Variants in TSHR observed in about 807,000 individuals in gnomAD.
TSHR encodes thyrotropin receptor.
In TSHR, 51 loss-of-function variants were observed where a neutral mutation model predicts 64.1. That is an observed-to-expected ratio of 0.80 (90% CI 0.64 to 1.01). The LOEUF is 1.01. TSHR is among the 50% of genes least tolerant of loss of function. The pLI, the probability that TSHR is intolerant of heterozygous loss-of-function variation, is 0.00. For missense variants in TSHR, 877 were observed against 942.8 expected, an observed-to-expected ratio of 0.93 and a Z score of 0.91; for synonymous variants, 361 against 361.9, an observed-to-expected ratio of 1.00 and a Z score of 0.03.
intron 4 of TSHR, among the ~76,000 whole-genome samples, chr14:81,088,715 A>G (rs1316617298): frequency 1.3e-5 from 2 of 152,178 alleles, no homozygotes; most frequent in African/African-American, 4.8e-5. Flanking sequence ...AAGATTAGAA[A>G]ACAAAGAGTA....
At chr14:81,086,627 A>G (rs1260720027) in intron 3 of TSHR, among the ~76,000 whole-genome samples, 3 of 152,318 alleles carry the variant, frequency 2.0e-5, no homozygotes, top group Non-Finnish European at 4.4e-5. Flanking sequence ...AATTGTTCCT[A>G]TTTTACAGAC....
Position 81,044,672 on chromosome 14 carries a change from A to AC in TSHR, c.171-17476_171-17475insC, listed in dbSNP as rs1162724076. On this transcript the variant is annotated intron_variant, in intron 1 of 9. Coordinates refer to ENST00000298171, the MANE Select transcript of TSHR (RefSeq NM_000369.5). ...GACTCTGTCTCAAAAAAAAAAAAAA[A>AC]AACACACACACACATGCACAATGAG... Among the ~76,000 whole-genome samples the AC allele has an allele frequency of 3.4e-3, 472 of 137,948 alleles. 5 individuals are homozygous for AC. The highest frequency in any genetic ancestry group is 0.019 in the Middle Eastern group (5 of 264). The allele number at this position is 137,948 out of a possible 152,430, so 90.5% of individuals were successfully genotyped here.
intron 1 of TSHR, chr14:81,051,033 A>T (rs1332098144): frequency 6.5e-6 from 1 of 153,564 alleles, no homozygotes; most frequent in Non-Finnish European, 1.4e-5. Flanking sequence ...ATGCAGTGGA[A>T]TTTCTTTCAA....
At chr14:81,060,898 C>T (rs767266818) in intron 1 of TSHR, among the ~76,000 whole-genome samples, 11 of 152,002 alleles carry the variant, frequency 7.2e-5, no homozygotes, top group African/African-American at 9.7e-5. Context: ...TAGTAAAGAG[C>T]GTAACTCAAA....
At chr14:81,075,957 A>G (rs1026583463) in intron 3 of TSHR, among the ~76,000 whole-genome samples, 79 of 152,230 alleles carry the variant, frequency 5.2e-4, no homozygotes, top group African/African-American at 1.8e-3. Flanking sequence ...ATGGGATACT[A>G]TGCAGCCATA....
At chr14:81,105,274 G>A (rs1595121827) in intron 7 of TSHR, 2 of 974,222 alleles carry the variant, frequency 2.1e-6, no homozygotes, top group Admixed American at 1.2e-4. Context: ...GAGGTTGATG[G>A]AAGCACTTTC....
rs1350264190 is a variant in TSHR, at chr14:81,143,692, G to A, written c.1634G>A (p.Gly545Asp). The A allele has an allele frequency of 6.2e-7, 1 of 1,614,178 alleles. No individual in the cohort carries two copies. Among genetic ancestry groups the A allele is most frequent in the South Asian group, 1.1e-5 (1 of 91,078 alleles). The stretch of plus-strand genomic sequence containing the variant: ...CACGCATGTGCCATCATGGTTGGGG[G>A]CTGGGTTTGCTGCTTCCTTCTCGCC... Reference protein sequence around the residue: ...LRHACAIMVGGWVCCFLLALL... With the variant: ...LRHACAIMVGDWVCCFLLALL... Residue 545 changes from glycine to aspartate, a missense_variant, in exon 10 of 10, where the codon GGC becomes GAC. Physicochemically the swap from Gly to Asp is moderately conservative, Grantham distance 94 (BLOSUM62 -1). Transcript: ENST00000298171.
At chr14:81,078,048 T>G (rs1827770712) in intron 3 of TSHR, among the ~76,000 whole-genome samples, 1 of 152,214 alleles carries the variant, frequency 6.6e-6, no homozygotes, top group South Asian at 2.1e-4. Flanking sequence ...AATACATTAT[T>G]ATGTTAACTT....
At position 81,145,233 on chromosome 14, in the gene TSHR, T is replaced by C; in HGVS notation, c.*880T>C. ...AATCTGTAGAAATGAAGGAGTCCAA[T>C]AGCTTCTTCCAATTTTAAAACTCTA... On this transcript the variant is annotated 3_prime_UTR_variant, in exon 10 of 10. Coordinates refer to ENST00000298171, the MANE Select transcript of TSHR (RefSeq NM_000369.5). 4.3e-6 allele frequency: 1 copy of C among 233,092 alleles called. No individual in the cohort carries two copies. 14.4% of individuals were successfully genotyped at this position (233,092 alleles called of 1,614,324 possible).
intron 8 of TSHR, among the ~76,000 whole-genome samples, chr14:81,137,283 T>C (rs1891493039): frequency 1.3e-5 from 2 of 152,318 alleles, no homozygotes; most frequent in South Asian, 4.1e-4. Context: ...TGCCAGTTTT[T>C]CCCCAAATTA....
intron 1 of TSHR, among the ~76,000 whole-genome samples, chr14:81,004,803 G>C (rs1444773461): frequency 1.3e-5 from 2 of 152,142 alleles, no homozygotes; most frequent in African/African-American, 4.8e-5. Flanking sequence ...TCATATTCAT[G>C]GTTTATTTAA....
At chr14:81,067,940 T>TGTGC (rs1409959581) in intron 2 of TSHR, among the ~76,000 whole-genome samples, 1 of 138,594 alleles carries the variant, frequency 7.2e-6, no homozygotes, top group African/African-American at 2.9e-5. Flanking sequence ...TATATATATA[T>TGTGC]ATATATATAT....
intron 1 of TSHR, among the ~76,000 whole-genome samples, chr14:81,060,433 T>C (rs933874965): frequency 6.6e-6 from 1 of 152,106 alleles, no homozygotes; most frequent in Non-Finnish European, 1.5e-5. Flanking sequence ...TTATGGGACC[T>C]GAATTTCTGA....
chr14:81,057,238 C>G (rs1290051348), intron 1 of TSHR, among the ~76,000 whole-genome samples: 1 of 152,088 alleles, frequency 6.6e-6, no homozygotes, highest in Non-Finnish European at 1.5e-5. Context: ...TGGTGAAACC[C>G]CGTCTCTACT....
chr14:81,133,579 T>C (rs1891336780), intron 8 of TSHR, among the ~76,000 whole-genome samples: 1 of 152,114 alleles, frequency 6.6e-6, no homozygotes, highest in Non-Finnish European at 1.5e-5. Flanking sequence ...GCTGAAGAGG[T>C]TGAGAAATCC....
intron 1 of TSHR, among the ~76,000 whole-genome samples, chr14:80,978,054 T>C (rs1594909501): frequency 6.6e-6 from 1 of 151,488 alleles, no homozygotes; most frequent in Non-Finnish European, 1.5e-5. Context: ...TTCATTGCTT[T>C]CCTTCATCTT....
In TSHR at chr14:81,136,847, AACT is replaced by A. The variant is rs562254875; in HGVS notation, c.693-2831_693-2829del. On this transcript the variant is annotated intron_variant, in intron 8 of 9. Transcript: ENST00000298171. Reference sequence around the variant, plus strand: ...ATATGTCATTACATATACTCAGACAAACTTTGGAATCTTCCCTCCCAGATTCCT... The same window carrying A: ...ATATGTCATTACATATACTCAGACAATTGGAATCTTCCCTCCCAGATTCCT... Among the ~76,000 whole-genome samples the A allele has an allele frequency of 3.9e-5, 6 of 152,298 alleles. No individual in the cohort carries two copies. The East Asian group carries it at 1.2e-3, about 29-fold the overall frequency.
At chr14:81,069,388 T>G (rs1886894242) in intron 3 of TSHR, among the ~76,000 whole-genome samples, 1 of 152,196 alleles carries the variant, frequency 6.6e-6, no homozygotes, top group African/African-American at 2.4e-5. Flanking sequence ...TATGGTAGGC[T>G]ACCTTACATC....
intron 1 of TSHR, among the ~76,000 whole-genome samples, chr14:80,978,221 T>G (rs1887992089): frequency 2.6e-5 from 4 of 152,090 alleles, no homozygotes; most frequent in African/African-American, 9.7e-5. Context: ...TGATTAAAGT[T>G]TTTAGTAATT....
Sources: gnomAD v4.1 joint callset for allele counts (sites outside exome capture counted in the v4.1 genomes callset) on GRCh38, gnomAD v4.1.1 for gene constraint, MANE v1.5 for transcripts, NCBI Gene and HGNC (gene_info 2026-07-23, HGNC 2026-07-21) for gene names.